Variants in XDH observed in about 807,000 individuals in gnomAD.
XDH encodes the protein xanthine dehydrogenase/oxidase.
XDH carries 138 observed loss-of-function variants against 156.1 expected under a neutral mutation model. The observed-to-expected ratio is 0.88, with a 90% CI of 0.77 to 1.02. XDH has a LOEUF of 1.02. Among genes scored for constraint, XDH ranks in the 50% least tolerant of loss-of-function variants. The probability of loss-of-function intolerance (pLI) is 0.00; values close to 1 mark genes in which losing one functional copy is unlikely to be tolerated. For synonymous variants in XDH, 669 were observed against 625.7 expected, an observed-to-expected ratio of 1.07 and a Z score of -1.03; for missense variants, 1,849 against 1,684.9, an observed-to-expected ratio of 1.10 and a Z score of -1.71.
chr2:31,353,024 T>A (rs548342371), intron 24 of XDH, among the ~76,000 whole-genome samples: 1 of 149,714 alleles, frequency 6.7e-6, no homozygotes, highest in East Asian at 2.0e-4. Flanking sequence ...CCCAGCCACC[T>A]CTTTTTTTTT....
chr2:31,372,719 TAGA>T (rs1301556371), intron 16 of XDH, among the ~76,000 whole-genome samples: 1 of 152,158 alleles, frequency 6.6e-6, no homozygotes, highest in African/African-American at 2.4e-5. Flanking sequence ...GAACTTTAAT[TAGA>T]AGGATTGTTC....
intron 7 of XDH, 127 bp from the exon 8 acceptor site, chr2:31,388,024 A>T: frequency 8.5e-7 from 1 of 1,180,444 alleles, no homozygotes; most frequent in Non-Finnish European, 1.2e-6. Flanking sequence ...AGGAGCAGGT[A>T]ATCCCTGGGA....
At chr2:31,407,537 A>G (rs1687226248) in intron 1 of XDH, among the ~76,000 whole-genome samples, 1 of 152,212 alleles carries the variant, frequency 6.6e-6, no homozygotes, top group South Asian at 2.1e-4. Context: ...TGCATCACTC[A>G]TATCATGAGA....
At chr2:31,370,002 G>C (rs1178932117) in intron 18 of XDH, among the ~76,000 whole-genome samples, 2 of 152,196 alleles carry the variant, frequency 1.3e-5, no homozygotes, top group Non-Finnish European at 2.9e-5. Flanking sequence ...TCACGTAGTG[G>C]TGGTATTGTG....
intron 29 of XDH, 145 bp downstream of exon 29, chr2:31,347,377 A>T: frequency 8.1e-6 from 10 of 1,238,784 alleles, no homozygotes; most frequent in Non-Finnish European, 1.1e-5. Flanking sequence ...TTGGAGAAAC[A>T]GCATCCTCCT....
intron 33 of XDH, among the ~76,000 whole-genome samples, chr2:31,341,046 G>A (rs1388396188): frequency 6.6e-6 from 1 of 152,216 alleles, no homozygotes; most frequent in African/African-American, 2.4e-5. Context: ...AATTGGGTGT[G>A]TGTGCATGTT....
chr2:31,399,959 T>C (rs925049804), intron 4 of XDH, among the ~76,000 whole-genome samples: 4 of 152,200 alleles, frequency 2.6e-5, no homozygotes, highest in African/African-American at 7.2e-5. Flanking sequence ...CTTTCATCTG[T>C]TTGTTTCAAA....
chr2:31,339,947 G>C (rs990816552), intron 33 of XDH, among the ~76,000 whole-genome samples: 6 of 152,264 alleles, frequency 3.9e-5, no homozygotes, highest in Admixed American at 1.3e-4. Flanking sequence ...CCGCAGTGCA[G>C]ATGGAGATGT....
At chr2:31,358,186 T>A (rs1685676807) in intron 24 of XDH, among the ~76,000 whole-genome samples, 2 of 152,140 alleles carry the variant, frequency 1.3e-5, no homozygotes, top group Non-Finnish European at 2.9e-5. Context: ...ACCACATAGT[T>A]GGAAGTAAAG....
At position 31,409,932 on chromosome 2, in the gene XDH, T is replaced by A. The variant is rs530752806; in HGVS notation, c.43-3968A>T. Among the ~76,000 whole-genome samples, 3 of 152,352 alleles carry A rather than the reference T, an allele frequency of 2.0e-5. No homozygotes were observed. In the South Asian group the frequency reaches 6.2e-4, roughly 32 times the overall value. On this transcript the variant is annotated intron_variant, in intron 1 of 35. Transcript: ENST00000379416. ...TTGAAGTCAGGGTCTCAGATATTTA[T>A]ACACCTGAGTTCATGACAACGTTAT...
At chr2:31,336,042 G>T (rs780552149) in intron 35 of XDH, 34 bp from the exon 36 acceptor site, 14 of 1,611,342 alleles carry the variant, frequency 8.7e-6, no homozygotes, top group Non-Finnish European at 1.0e-5. Flanking sequence ...CATTGCCAGG[G>T]TCTGCTGATC....
chr2:31,392,461 G>A (rs539197070), intron 6 of XDH, among the ~76,000 whole-genome samples: 189 of 151,938 alleles, frequency 1.2e-3, no homozygotes, highest in African/African-American at 4.5e-3. Context: ...GTCTCACTCT[G>A]TCACCCAGGC....
At chr2:31,384,340 A>T (rs1393765738) in intron 9 of XDH, 1 of 171,946 alleles carries the variant, frequency 5.8e-6, no homozygotes, top group Admixed American at 5.5e-5. Flanking sequence ...GCTAAGAATA[A>T]CCAAATTTCA....
At chr2:31,353,266 G>C (rs916491031) in intron 24 of XDH, among the ~76,000 whole-genome samples, 2 of 151,988 alleles carry the variant, frequency 1.3e-5, no homozygotes, top group East Asian at 3.8e-4. Context: ...GTCTTACCCT[G>C]GTCATTTACA....
chr2:31,373,974 CAG>C lies in XDH; in HGVS notation c.1603-20_1603-19del. 1.2e-6 allele frequency: 2 copies of C among 1,608,646 alleles called. No individual in the cohort carries two copies. The highest frequency in any genetic ancestry group is 8.5e-7 in the Non-Finnish European group (1 of 1,176,414). On this transcript the variant is annotated intron_variant, in intron 15 of 35. Transcript: ENST00000379416. ...CCACACTTCTGTGGAGACAAGAAAA[CAG>C]AGGTGACCAGGATTATATTTCAATC...
chr2:31,346,798 T>C lies in XDH; in HGVS notation c.3322A>G (p.Lys1108Glu), dbSNP rs1331688346. ...TCTTCCCAGGAGCCACTGGGATTCT[T>C]CTTCTTGTAGGGTTCCAGCCTTTTC... ...ILKRLEPYKK[K>E]NPSGSWEDWV... Residue 1108 changes from lysine to glutamate, a missense_variant, in exon 30 of 36, where the codon AAG (lysine) becomes GAG (glutamate). Transcript: ENST00000379416. 6.2e-7 allele frequency: 1 copy of C among 1,614,132 alleles called. No individual in the cohort carries two copies. Among genetic ancestry groups the C allele is most frequent in the Non-Finnish European group, 8.5e-7 (1 of 1,180,030 alleles).
chr2:31,342,909 C>CA (rs1208523612), intron 31 of XDH, among the ~76,000 whole-genome samples: 1 of 152,146 alleles, frequency 6.6e-6, no homozygotes, highest in Non-Finnish European at 1.5e-5. Context: ...GTACCTTATA[C>CA]AATTCCACTT....
chr2:31,367,866 A>G (rs1685962362), intron 20 of XDH, 95 bp downstream of exon 20: 1 of 1,215,866 alleles, frequency 8.2e-7, no homozygotes, highest in South Asian at 1.2e-5. Context: ...ATGTCCAGAA[A>G]TCACTTCCCT....
intron 18 of XDH, among the ~76,000 whole-genome samples, chr2:31,368,937 T>C (rs144192180): frequency 5.6e-4 from 85 of 152,266 alleles, no homozygotes; most frequent in African/African-American, 2.0e-3. Flanking sequence ...TGATTCCTTG[T>C]TTGCCATGAG....
Sources: gnomAD v4.1 joint callset for allele counts (sites outside exome capture counted in the v4.1 genomes callset) on GRCh38, gnomAD v4.1.1 for gene constraint, MANE v1.5 for transcripts, NCBI Gene and HGNC (gene_info 2026-07-23, HGNC 2026-07-21) for gene names.